Variants in CGNL1 observed in about 807,000 individuals in gnomAD.
CGNL1 encodes the protein cingulin like 1.
CGNL1 carries 132 observed loss-of-function variants against 141.2 expected under a neutral mutation model. That is an observed-to-expected ratio of 0.93 (90% confidence interval 0.81 to 1.08). CGNL1 has a LOEUF of 1.08. Ranked by LOEUF, CGNL1 falls within the 50% of genes least tolerant of loss-of-function variation. The pLI, the probability that CGNL1 is intolerant of heterozygous loss-of-function variation, is 0.00. For synonymous variants in CGNL1, 690 were observed against 622.1 expected (o/e 1.11, Z -1.63); for missense variants, 1,870 against 1,588.6 (o/e 1.18, Z -3.01).
At chr15:57,487,157 G>T (rs1406672656) in intron 8 of CGNL1, among the ~76,000 whole-genome samples, 3 of 152,196 alleles carry the variant, frequency 2.0e-5, no homozygotes, top group African/African-American at 7.2e-5. Context: ...TTTATTGTAT[G>T]TGTGCATTTT....
At chr15:57,483,453 A>G (rs573406907) in intron 8 of CGNL1, among the ~76,000 whole-genome samples, 2 of 143,012 alleles carry the variant, frequency 1.4e-5, no homozygotes, top group African/African-American at 5.2e-5. Context: ...GAAATCACAT[A>G]TTCTACAAAG....
chr15:57,473,597 G>A lies in CGNL1; in HGVS notation c.2403+11705G>A, dbSNP rs1163122944. Among the ~76,000 whole-genome samples the A allele has an allele frequency of 3.9e-5, 6 of 152,232 alleles. No individual in the cohort carries two copies. In the South Asian group the frequency reaches 6.2e-4, roughly 16 times the overall value. ...ATGGAAATGATGGAGTGTGACTTCC[G>A]TTGCTTGATCATAAAGGACATGTGG... On this transcript the variant is annotated intron_variant, in intron 8 of 18. Coordinates refer to ENST00000281282, the MANE Select transcript of CGNL1 (RefSeq NM_032866.5).
intron 1 of CGNL1, among the ~76,000 whole-genome samples, chr15:57,377,821 C>T (rs1463944424): frequency 2.0e-5 from 3 of 152,078 alleles, no homozygotes; most frequent in Non-Finnish European, 4.4e-5. Flanking sequence ...TTGTCATATT[C>T]GGGAATGATT....
chr15:57,497,012 C>T (rs2063948467), intron 8 of CGNL1, among the ~76,000 whole-genome samples: 1 of 152,144 alleles, frequency 6.6e-6, no homozygotes, highest in African/African-American at 2.4e-5. Flanking sequence ...GTGGAAGCAG[C>T]ACTTCAGCAA....
At chr15:57,430,505 A>T (rs1349645581) in intron 1 of CGNL1, among the ~76,000 whole-genome samples, 1 of 152,266 alleles carries the variant, frequency 6.6e-6, no homozygotes, top group Non-Finnish European at 1.5e-5. Context: ...ATTAAAAAGT[A>T]AAAGTTAAAT....
rs144081162 is a variant in CGNL1 at position 57,528,678 on chromosome 15, C to T, written c.3064C>T (p.Arg1022Trp). The change falls in exon 13 of 19, where the codon CGG becomes TGG. Residue 1022 changes from arginine (R) to tryptophan (W), a missense_variant. By Grantham distance (101) the Arg-to-Trp change is moderately radical (BLOSUM62 -3). Coordinates refer to ENST00000281282, the MANE Select transcript of CGNL1 (RefSeq NM_032866.5). ...DEMRLMEEEL[R>W]DYQRAQDEAL... is the part of the protein sequence containing the mutation. ...GATGCGTCTGATGGAGGAAGAGTTACGGGACTACCAGAGAGCTCAGGATGA... is the reference window on the plus strand; with the variant it reads ...GATGCGTCTGATGGAGGAAGAGTTATGGGACTACCAGAGAGCTCAGGATGA... 90 of 1,614,064 alleles carry T rather than the reference C, an allele frequency of 5.6e-5. 1 individual carries two copies. The highest frequency in any genetic ancestry group is 7.1e-5 in the Non-Finnish European group (84 of 1,179,984).
chr15:57,474,059 T>C (rs964140126), intron 8 of CGNL1, among the ~76,000 whole-genome samples: 2 of 151,910 alleles, frequency 1.3e-5, no homozygotes, highest in Admixed American at 6.6e-5. Context: ...TACAGGTGTG[T>C]GCCACCACGC....
At chr15:57,433,103 C>T (rs2063064319) in intron 1 of CGNL1, among the ~76,000 whole-genome samples, 1 of 152,178 alleles carries the variant, frequency 6.6e-6, no homozygotes, top group African/African-American at 2.4e-5. Flanking sequence ...GTAAATACCA[C>T]ACACAAAAAA....
intron 1 of CGNL1, among the ~76,000 whole-genome samples, chr15:57,400,967 G>T (rs1452807058): frequency 6.7e-6 from 1 of 149,820 alleles, no homozygotes; most frequent in East Asian, 1.9e-4. Flanking sequence ...TAAATGAAAG[G>T]TACCCTGTTT....
chr15:57,443,889 G>A (rs1348047870), intron 4 of CGNL1, among the ~76,000 whole-genome samples: 1 of 152,094 alleles, frequency 6.6e-6, no homozygotes, highest in East Asian at 1.9e-4. Context: ...TTGAACACAG[G>A]GGCTTTGGGT....
At chr15:57,457,762 C>T (rs571816082) in intron 7 of CGNL1, among the ~76,000 whole-genome samples, 1 of 152,280 alleles carries the variant, frequency 6.6e-6, no homozygotes, top group Admixed American at 6.5e-5. Context: ...AAGCCACCCC[C>T]ATGGTTCCAT....
Position 57,439,324 on chromosome 15 carries a change from G to A in CGNL1, c.1325G>A (p.Arg442His), listed in dbSNP as rs1201579202. The change falls in exon 2 of 19, where the codon CGC (arginine) becomes CAC (histidine). Residue 442 changes from arginine (R) to histidine (H), a missense_variant. Transcript: ENST00000281282. ...CGCCGTGGGAAACAGAGCGTGGGCC[G>A]CACCTTTGCAAAGCTGCAGGGAGCA... ...QERRGKQSVG[R>H]TFAKLQGAAH... 5 of 1,614,084 alleles carry A rather than the reference G, an allele frequency of 3.1e-6. No individual in the cohort carries two copies. Among genetic ancestry groups the A allele is most frequent in the Non-Finnish European group, 3.4e-6 (4 of 1,180,048 alleles).
At chr15:57,454,089 A>G (rs915557982) in intron 7 of CGNL1, among the ~76,000 whole-genome samples, 5 of 152,160 alleles carry the variant, frequency 3.3e-5, no homozygotes, top group Non-Finnish European at 7.4e-5. Flanking sequence ...ATTAGCAAGA[A>G]TGTTGGTTTT....
intron 1 of CGNL1, among the ~76,000 whole-genome samples, chr15:57,414,769 T>G (rs1237493344): frequency 1.3e-5 from 2 of 152,198 alleles, no homozygotes. Context: ...AGGCCGAGGT[T>G]AGGGTTAGGG....
At chr15:57,435,849 C>G (rs1267088013) in intron 1 of CGNL1, among the ~76,000 whole-genome samples, 2 of 152,066 alleles carry the variant, frequency 1.3e-5, no homozygotes, top group Non-Finnish European at 2.9e-5. Context: ...AAAATGGAGA[C>G]TACACCTAGT....
At chr15:57,519,574 T>G (rs1195197873) in intron 10 of CGNL1, among the ~76,000 whole-genome samples, 2 of 152,182 alleles carry the variant, frequency 1.3e-5, no homozygotes, top group Non-Finnish European at 2.9e-5. Flanking sequence ...TTTCCTGAGT[T>G]CAATGTCTGA....
At chr15:57,496,722 G>A (rs1164839236) in intron 8 of CGNL1, among the ~76,000 whole-genome samples, 2 of 152,204 alleles carry the variant, frequency 1.3e-5, no homozygotes, top group East Asian at 3.9e-4. Flanking sequence ...AGACTCACAT[G>A]GAATCCTGGC....
intron 1 of CGNL1, among the ~76,000 whole-genome samples, chr15:57,401,795 A>T (rs1391137866): frequency 6.6e-6 from 1 of 152,092 alleles, no homozygotes; most frequent in Non-Finnish European, 1.5e-5. Context: ...AGTAACCAAA[A>T]ACTTGATTTT....
chr15:57,392,627 G>T (rs10518915), intron 1 of CGNL1, among the ~76,000 whole-genome samples: 69,919 of 151,908 alleles, frequency 0.46, 16,368 homozygotes, highest in East Asian at 0.63. Context: ...AGGAAACAGT[G>T]TAAGTATGAG....
Sources: allele counts gnomAD v4.1 joint callset (sites outside exome capture counted in the v4.1 genomes callset), GRCh38; gene constraint gnomAD v4.1.1; transcripts MANE v1.5; gene names NCBI Gene and HGNC (gene_info 2026-07-23, HGNC 2026-07-21).